Variants in NRXN1 observed in about 807,000 individuals in gnomAD.
NRXN1 encodes neurexin-1.
NRXN1 carries 39 observed loss-of-function variants against 150.9 expected under a neutral mutation model. The observed-to-expected ratio is 0.26, with a 90% CI of 0.20 to 0.34. The LOEUF (loss-of-function observed/expected upper bound fraction) is 0.34. NRXN1 is among the 10% of genes least tolerant of loss of function. The probability of loss-of-function intolerance (pLI) is 1.00; values close to 1 mark genes in which losing one functional copy is unlikely to be tolerated. For synonymous variants in NRXN1, 924 were observed against 757.0 expected (o/e 1.22, Z -3.62); for missense variants, 1,815 against 1,949.9 (o/e 0.93, Z 1.30).
At chr2:51,031,120 C>CTCA (rs1558624256) in intron 1 of NRXN1, among the ~76,000 whole-genome samples, 1 of 151,880 alleles carries the variant, frequency 6.6e-6, no homozygotes, top group African/African-American at 2.4e-5. Flanking sequence ...TTGGAGGAAG[C>CTCA]TCATTGTATG....
chr2:51,006,293 G>A (rs971907718), intron 2 of NRXN1, among the ~76,000 whole-genome samples: 1 of 150,592 alleles, frequency 6.6e-6, no homozygotes, highest in African/African-American at 2.4e-5. Flanking sequence ...ACTATCGCAA[G>A]GACAAAAAAC....
intron 5 of NRXN1, among the ~76,000 whole-genome samples, chr2:50,729,864 C>A (rs1697870776): frequency 6.6e-6 from 1 of 152,184 alleles, no homozygotes; most frequent in Non-Finnish European, 1.5e-5. Flanking sequence ...TTCTGTTGTT[C>A]TCTGAGGCTG....
intron 5 of NRXN1, among the ~76,000 whole-genome samples, chr2:50,627,353 A>ATGTGTG (rs1461501689): frequency 6.2e-5 from 5 of 81,232 alleles, no homozygotes; most frequent in African/African-American, 2.6e-4. Flanking sequence ...GTTCTGGTTC[A>ATGTGTG]TGTATGTGTG....
chr2:50,064,087 G>A (rs1694978145), intron 19 of NRXN1, among the ~76,000 whole-genome samples: 1 of 151,998 alleles, frequency 6.6e-6, no homozygotes, highest in African/African-American at 2.4e-5. Flanking sequence ...AATTTTGCTT[G>A]GACGTCAGAT....
intron 5 of NRXN1, among the ~76,000 whole-genome samples, chr2:50,659,109 G>A (rs1441885060): frequency 1.3e-5 from 2 of 151,972 alleles, no homozygotes; most frequent in African/African-American, 4.8e-5. Flanking sequence ...TGCCACACAT[G>A]TGAGACAGCA....
chr2:50,002,529 G>A (rs1684117615), intron 21 of NRXN1, among the ~76,000 whole-genome samples: 1 of 152,070 alleles, frequency 6.6e-6, no homozygotes. Context: ...TCCAGTTAAG[G>A]AATTTTAGCA....
chr2:50,281,322 C>CAATAATAATAATAATAAT (rs371009865), intron 17 of NRXN1, among the ~76,000 whole-genome samples: 34 of 149,046 alleles, frequency 2.3e-4, no homozygotes, highest in Admixed American at 7.3e-4. Context: ...GTCTCAAAAA[C>CAATAATAATAATAATAAT]AATAATAATA....
At chr2:50,495,434 A>G (rs1048414904) in intron 15 of NRXN1, among the ~76,000 whole-genome samples, 2 of 143,960 alleles carry the variant, frequency 1.4e-5, no homozygotes, top group Admixed American at 7.1e-5. Flanking sequence ...GATGGGGGAT[A>G]GAATTCACTG....
At chr2:50,800,019 G>A (rs1337212930) in intron 5 of NRXN1, among the ~76,000 whole-genome samples, 1 of 152,068 alleles carries the variant, frequency 6.6e-6, no homozygotes, top group East Asian at 1.9e-4. Context: ...ATAAATGAGA[G>A]AAATGGTTTC....
chr2:50,370,660 T>C (rs1366785020), intron 17 of NRXN1, among the ~76,000 whole-genome samples: 1 of 151,954 alleles, frequency 6.6e-6, no homozygotes, highest in Admixed American at 6.6e-5. Context: ...CCATAAATAA[T>C]TGTTTATGTT....
intron 17 of NRXN1, among the ~76,000 whole-genome samples, chr2:50,453,106 A>G (rs2087156730): frequency 6.6e-6 from 1 of 152,318 alleles, no homozygotes; most frequent in Admixed American, 6.5e-5. Context: ...TTCTTTGGGA[A>G]CAACTTTCAT....
At chr2:50,479,257 T>C (rs1421463346) in intron 15 of NRXN1, among the ~76,000 whole-genome samples, 1 of 152,182 alleles carries the variant, frequency 6.6e-6, no homozygotes, top group South Asian at 2.1e-4. Context: ...ACTCTGCATT[T>C]TCCCACTGCT....
At chr2:50,082,433 T>C (rs1698108073) in intron 19 of NRXN1, among the ~76,000 whole-genome samples, 1 of 152,190 alleles carries the variant, frequency 6.6e-6, no homozygotes, top group Admixed American at 6.5e-5. Context: ...GGAAATTTTA[T>C]GAAATTTTAT....
rs1457513933 is a variant in NRXN1 at position 50,497,568 on chromosome 2, G to A, written c.2644C>T (p.Leu882=). ...LTFNGMAYID[L]CKNGDIDYCE... ...TAATCTATGTCGCCATTTTTACACA[G>A]GTCAATGTATGCCATTCCATTAAAT... The change falls in exon 14 of 23, where the codon CTG becomes TTG. Residue 882 remains leucine, a synonymous_variant. Coordinates refer to ENST00000401669, the MANE Select transcript of NRXN1 (RefSeq NM_001330078.2). The A allele has an allele frequency of 6.2e-7, 1 of 1,613,882 alleles. No homozygotes were observed. The highest frequency in any genetic ancestry group is 1.3e-5 in the African/African-American group (1 of 75,014).
chr2:49,979,919 G>C (rs1479377091), intron 21 of NRXN1, among the ~76,000 whole-genome samples: 1 of 130,134 alleles, frequency 7.7e-6, no homozygotes, highest in Non-Finnish European at 1.6e-5. Flanking sequence ...TTTTTTTTCT[G>C]CTACTGTATT....
chr2:50,311,391 T>C (rs1230377510), intron 17 of NRXN1, among the ~76,000 whole-genome samples: 1 of 152,156 alleles, frequency 6.6e-6, no homozygotes, highest in African/African-American at 2.4e-5. Flanking sequence ...TTTAAAGATA[T>C]GCACTGCTGA....
chr2:51,017,503 CTTTTTTTTTTTTTTTTTT>C (rs70958638), intron 2 of NRXN1, among the ~76,000 whole-genome samples: 44 of 44,320 alleles, frequency 9.9e-4, no homozygotes, highest in East Asian at 2.9e-3. Context: ...CCACATCTGG[CTTTTTTTTTTTTTTTTTT>C]TTTTTTTTTT....
At chr2:50,018,339 C>G (rs1186381499) in intron 21 of NRXN1, among the ~76,000 whole-genome samples, 3 of 152,104 alleles carry the variant, frequency 2.0e-5, no homozygotes, top group Non-Finnish European at 4.4e-5. Context: ...TGTCAAATTA[C>G]CTTTCAAATT....
chr2:50,383,266 C>G (rs775506853), intron 17 of NRXN1, among the ~76,000 whole-genome samples: 2 of 152,072 alleles, frequency 1.3e-5, no homozygotes, highest in African/African-American at 4.8e-5. Flanking sequence ...AGGAAATACT[C>G]TAGAAGATAC....
Sources: allele counts gnomAD v4.1 joint callset (sites outside exome capture counted in the v4.1 genomes callset), GRCh38; gene constraint gnomAD v4.1.1; transcripts MANE v1.5; gene names NCBI Gene and HGNC (gene_info 2026-07-23, HGNC 2026-07-21).